ALDH5A1: variants seen among roughly 807,000 people sequenced by gnomAD.
ALDH5A1 encodes succinate-semialdehyde dehydrogenase, mitochondrial.
Under a neutral mutation model 54.7 loss-of-function variants are expected in ALDH5A1, and 33 were observed. The ratio of observed to expected loss-of-function variants is 0.60; its 90% confidence interval spans 0.46 to 0.81. ALDH5A1 has a LOEUF of 0.81. ALDH5A1 is among the 30% of genes least tolerant of loss of function. The pLI is 0.00. For missense variants in ALDH5A1, 657 were observed against 711.0 expected, an observed-to-expected ratio of 0.92 and a Z score of 0.86; for synonymous variants, 294 against 292.7, an observed-to-expected ratio of 1.00 and a Z score of -0.05.
At chr6:24,530,362 TA>T (rs145278501) in intron 8 of ALDH5A1, among the ~76,000 whole-genome samples, 2,611 of 152,154 alleles carry the variant, frequency 0.017, 39 homozygotes, top group South Asian at 0.049. Context: ...TTTTCCTTTT[TA>T]AAAAAAACAT....
intron 1 of ALDH5A1, among the ~76,000 whole-genome samples, chr6:24,499,293 A>G (rs1764774371): frequency 6.6e-6 from 1 of 152,000 alleles, no homozygotes; most frequent in African/African-American, 2.4e-5. Context: ...CTGTCTCAAA[A>G]AACAAAAATG....
chr6:24,510,848 A>G (rs1759444906), intron 4 of ALDH5A1, among the ~76,000 whole-genome samples: 1 of 152,048 alleles, frequency 6.6e-6, no homozygotes, highest in Non-Finnish European at 1.5e-5. Context: ...TCATCATGCT[A>G]TTTGTTGCCT....
At chr6:24,508,438 A>G (rs1270254747) in intron 4 of ALDH5A1, among the ~76,000 whole-genome samples, 2 of 149,114 alleles carry the variant, frequency 1.3e-5, no homozygotes, top group African/African-American at 5.0e-5. Context: ...TGCAAATGCC[A>G]TTAATTCATT....
In ALDH5A1 at chr6:24,515,327, T is replaced by G. The variant is rs1284279455; in HGVS notation, c.870+17T>G. 4.3e-6 allele frequency: 7 copies of G among 1,612,950 alleles called. No individual in the cohort carries two copies. The highest frequency in any genetic ancestry group is 1.1e-5 in the South Asian group (1 of 91,064). ...ACAGGAAAGGTATGTGACTCAAGTT[T>G]CAAAGAAAACAAATGTCTTTCTAAT... On this transcript the variant is annotated intron_variant, in intron 5 of 9. Transcript: ENST00000357578.
chr6:24,506,198 T>G (rs546732195), intron 4 of ALDH5A1, among the ~76,000 whole-genome samples: 3 of 151,062 alleles, frequency 2.0e-5, no homozygotes, highest in South Asian at 2.1e-4. Context: ...GAGTTTTTAC[T>G]TAATTTATTT....
chr6:24,512,609 G>A (rs2760138), intron 4 of ALDH5A1, among the ~76,000 whole-genome samples: 135,497 of 152,272 alleles, frequency 0.89, 61,098 homozygotes, highest in African/African-American at 0.96. Flanking sequence ...GTCTTGATGT[G>A]ATTTTCTTGT....
At chr6:24,515,705 G>A (rs1481693488) in intron 5 of ALDH5A1, among the ~76,000 whole-genome samples, 1 of 152,176 alleles carries the variant, frequency 6.6e-6, no homozygotes, top group Non-Finnish European at 1.5e-5. Flanking sequence ...CTGGGTGACA[G>A]AGCAGACTCT....
intron 6 of ALDH5A1, chr6:24,522,501 G>GTGTGTGTGTGTGTGTGTGTGTGTGTA (rs1554137632): frequency 1.4e-4 from 49 of 362,022 alleles, no homozygotes; most frequent in South Asian, 2.9e-4. Flanking sequence ...GTGTGTGTGT[G>GTGTGTGTGTGTGTGTGTGTGTGTGTA]TGTACAGGTG....
At chr6:24,526,925 A>ATAGATCT (rs1271364744) in intron 7 of ALDH5A1, among the ~76,000 whole-genome samples, 1 of 128,452 alleles carries the variant, frequency 7.8e-6, no homozygotes, top group Admixed American at 8.0e-5. Flanking sequence ...TTCTATATAT[A>ATAGATCT]TCTACTATAT....
intron 8 of ALDH5A1, among the ~76,000 whole-genome samples, chr6:24,528,551 A>G (rs1759866565): frequency 6.6e-6 from 1 of 151,896 alleles, no homozygotes; most frequent in South Asian, 2.1e-4. Flanking sequence ...TTTAGTAGAG[A>G]TGGGGTTTCA....
chr6:24,517,403 C>T (rs1444161986), intron 5 of ALDH5A1, among the ~76,000 whole-genome samples: 1 of 152,188 alleles, frequency 6.6e-6, no homozygotes. Context: ...ACCATTCATT[C>T]ATAATAGAAA....
At chr6:24,501,082 C>T (rs553842733) in intron 1 of ALDH5A1, among the ~76,000 whole-genome samples, 1 of 152,216 alleles carries the variant, frequency 6.6e-6, no homozygotes, top group Admixed American at 6.5e-5. Flanking sequence ...TCAAAGTAAT[C>T]TTATTTTAAC....
intron 7 of ALDH5A1, among the ~76,000 whole-genome samples, chr6:24,525,261 A>G (rs1297868672): frequency 2.0e-5 from 3 of 152,170 alleles, no homozygotes; most frequent in Non-Finnish European, 4.4e-5. Context: ...AAATTCATAG[A>G]AAGTAAGCCA....
chr6:24,526,145 A>G (rs1759794357), intron 7 of ALDH5A1, among the ~76,000 whole-genome samples: 1 of 152,034 alleles, frequency 6.6e-6, no homozygotes. Context: ...AAATTGATCA[A>G]CCCAGTCCTT....
intron 8 of ALDH5A1, among the ~76,000 whole-genome samples, chr6:24,528,866 G>A (rs1253605042): frequency 6.6e-6 from 1 of 151,588 alleles, no homozygotes; most frequent in Non-Finnish European, 1.5e-5. Flanking sequence ...TAGTAGAGAT[G>A]TGGTTTCACC....
chr6:24,517,062 A>G (rs1225107352), intron 5 of ALDH5A1, among the ~76,000 whole-genome samples: 2 of 152,146 alleles, frequency 1.3e-5, no homozygotes, highest in East Asian at 3.8e-4. Context: ...GCTGGAGTGC[A>G]GTGGCGTGAT....
chr6:24,529,422 C>T (rs1759885329), intron 8 of ALDH5A1, among the ~76,000 whole-genome samples: 1 of 152,028 alleles, frequency 6.6e-6, no homozygotes, highest in South Asian at 2.1e-4. Flanking sequence ...CAGCCTCAGC[C>T]TCCCAAAGTG....
intron 9 of ALDH5A1, 146 bp from the exon 10 acceptor site, chr6:24,533,361 G>T: frequency 1.2e-6 from 1 of 830,018 alleles, no homozygotes; most frequent in South Asian, 1.5e-5. Flanking sequence ...AAGTGGACAA[G>T]ACCAACCTGG....
At position 24,536,932 on chromosome 6, in the gene ALDH5A1, T is replaced by C. The variant is rs890349391; in HGVS notation, c.*3220T>C. On this transcript the variant is annotated 3_prime_UTR_variant, in exon 10 of 10. Coordinates refer to ENST00000357578, the MANE Select transcript of ALDH5A1 (RefSeq NM_001080.3). The stretch of plus-strand genomic sequence containing the variant: ...CTTGAAATTGTGCCACATGACTTTT[T>C]CCTCTAAAAACTGGATCCTAGTGTT... 1 of 152,684 alleles carries C rather than the reference T, an allele frequency of 6.5e-6. No homozygotes were observed. The highest frequency in any genetic ancestry group is 2.4e-5 in the African/African-American group (1 of 41,464). 9.5% of individuals were successfully genotyped at this position (152,684 alleles called of 1,614,324 possible). A position where few individuals can be genotyped will look rare whatever the true frequency, so the allele number is the denominator to read the frequency against.
Sources: allele counts gnomAD v4.1 joint callset (sites outside exome capture counted in the v4.1 genomes callset), GRCh38; gene constraint gnomAD v4.1.1; transcripts MANE v1.5; gene names NCBI Gene and HGNC (gene_info 2026-07-23, HGNC 2026-07-21).